ADGRL2: variants seen among roughly 807,000 people sequenced by gnomAD.
ADGRL2 encodes the protein adhesion G protein-coupled receptor L2.
Under a neutral mutation model 157.4 loss-of-function variants are expected in ADGRL2, and 44 were observed. The observed-to-expected ratio is 0.28, with a 90% CI of 0.22 to 0.36. The LOEUF (loss-of-function observed/expected upper bound fraction) is 0.36. Ranked by LOEUF, ADGRL2 falls within the 10% of genes least tolerant of loss-of-function variation. ADGRL2 has a pLI of 1.00. For synonymous variants in ADGRL2, 585 were observed against 624.7 expected (o/e 0.94, Z 0.95); for missense variants, 1,510 against 1,768.9 (o/e 0.85, Z 2.63).
intron 4 of ADGRL2, among the ~76,000 whole-genome samples, chr1:81,941,501 C>T (rs1186700777): frequency 6.6e-6 from 1 of 151,434 alleles, no homozygotes; most frequent in East Asian, 1.9e-4. Context: ...AACATGTAAC[C>T]ACATCAGAAT....
intron 2 of ADGRL2, chr1:81,557,933 A>C (rs1570496755): frequency 6.6e-6 from 1 of 152,240 alleles, no homozygotes; most frequent in Non-Finnish European, 1.5e-5. Flanking sequence ...ATCACCTTAC[A>C]TTGAGGAGGG....
chr1:81,523,014 G>T (rs1380581785), intron 2 of ADGRL2, among the ~76,000 whole-genome samples: 1 of 151,746 alleles, frequency 6.6e-6, no homozygotes, highest in African/African-American at 2.4e-5. Flanking sequence ...TACAATTAAA[G>T]ATATGGCTTC....
Position 81,749,891 on chromosome 1 carries a change from C to A in ADGRL2, c.-142-11920C>A, listed in dbSNP as rs1008261638. Among the ~76,000 whole-genome samples, 15 of 152,098 alleles carry A rather than the reference C, an allele frequency of 9.9e-5. No homozygotes were observed. The East Asian group carries it at 2.9e-3, about 29-fold the overall frequency. ...TCTGAATGTAGTTGCTTATAATTGGCCAATTTCCCTGAGAAACAAGCCAGT... is the reference window on the plus strand; with the variant it reads ...TCTGAATGTAGTTGCTTATAATTGGACAATTTCCCTGAGAAACAAGCCAGT... On this transcript the variant is annotated intron_variant, in intron 1 of 20. Transcript: ENST00000359929.
chr1:81,568,655 A>C (rs962553130), intron 2 of ADGRL2, among the ~76,000 whole-genome samples: 3 of 152,200 alleles, frequency 2.0e-5, no homozygotes, highest in African/African-American at 4.8e-5. Context: ...TTGTTCAATA[A>C]TCCCTTGGAT....
intron 2 of ADGRL2, among the ~76,000 whole-genome samples, chr1:81,459,387 A>G (rs1478765922): frequency 6.6e-6 from 1 of 152,188 alleles, no homozygotes; most frequent in Non-Finnish European, 1.5e-5. Flanking sequence ...GAGTTTTACT[A>G]TACCTCAAGT....
At chr1:81,802,685 G>C (rs2088432706) in intron 1 of ADGRL2, among the ~76,000 whole-genome samples, 2 of 152,098 alleles carry the variant, frequency 1.3e-5, no homozygotes. Context: ...CCGGGCGCTG[G>C]GGCCCGGGGC....
At chr1:81,818,788 TA>T (rs1055732112) in intron 1 of ADGRL2, among the ~76,000 whole-genome samples, 2 of 152,084 alleles carry the variant, frequency 1.3e-5, no homozygotes, top group Non-Finnish European at 2.9e-5. Context: ...GAAAAGGTTG[TA>T]AAAATATAGG....
chr1:81,448,137 C>CTTTTTTTTTTTTTTTTTTTTTT (rs1168945231), intron 2 of ADGRL2, among the ~76,000 whole-genome samples: 3 of 83,502 alleles, frequency 3.6e-5, no homozygotes, highest in African/African-American at 1.0e-4. Flanking sequence ...TTCTTTCTTT[C>CTTTTTTTTTTTTTTTTTTTTTT]TTTTTTTTTT....
At chr1:81,793,122 G>A (rs572189863) in intron 2 of ADGRL2, among the ~76,000 whole-genome samples, 26 of 152,130 alleles carry the variant, frequency 1.7e-4, no homozygotes, top group African/African-American at 6.0e-4. Flanking sequence ...ATTCTTCAGC[G>A]AAATTTTGGC....
intron 1 of ADGRL2, among the ~76,000 whole-genome samples, chr1:81,746,411 T>A (rs541105517): frequency 6.6e-6 from 1 of 152,236 alleles, no homozygotes; most frequent in Admixed American, 6.5e-5. Flanking sequence ...CACCTCAGCC[T>A]CCTGAGTAGC....
chr1:81,786,027 C>A (rs1301792631), intron 2 of ADGRL2, among the ~76,000 whole-genome samples: 7 of 152,030 alleles, frequency 4.6e-5, no homozygotes, highest in Admixed American at 2.6e-4. Flanking sequence ...CTGCTTGAGC[C>A]TGGGAGGTGG....
In ADGRL2 at chr1:81,363,150, TA is replaced by T. The variant is rs369353513; in HGVS notation, c.-302+56648del. Among the ~76,000 whole-genome samples, 415 of 152,126 alleles carry T rather than the reference TA, an allele frequency of 2.7e-3. 2 individuals carry two copies. The highest frequency in any genetic ancestry group is 9.6e-3 in the African/African-American group (398 of 41,542). ...CAGTATTTGGATGTAATTAGTCACA[TA>T]AAAAAAGTTACAAAAAGAAGACTTA... On this transcript the variant is annotated intron_variant, in intron 1 of 24. Coordinates refer to the ADGRL2 transcript ENST00000370721.
chr1:81,422,332 C>T (rs989229146), intron 1 of ADGRL2, among the ~76,000 whole-genome samples: 1 of 152,156 alleles, frequency 6.6e-6, no homozygotes, highest in African/African-American at 2.4e-5. Flanking sequence ...GCAATCTCCA[C>T]CTCCTGAATT....
At chr1:81,965,800 T>C (rs1475367202) in intron 11 of ADGRL2, among the ~76,000 whole-genome samples, 1 of 152,228 alleles carries the variant, frequency 6.6e-6, no homozygotes, top group African/African-American at 2.4e-5. Flanking sequence ...TTGGTATTAG[T>C]TCATGACAAA....
intron 2 of ADGRL2, among the ~76,000 whole-genome samples, chr1:81,496,425 A>G (rs1007400795): frequency 2.0e-5 from 3 of 152,184 alleles, no homozygotes; most frequent in African/African-American, 7.2e-5. Context: ...AAAAGACACT[A>G]TGACTGTTCT....
intron 1 of ADGRL2, among the ~76,000 whole-genome samples, chr1:81,758,443 A>T (rs2085763466): frequency 6.6e-6 from 1 of 152,106 alleles, no homozygotes; most frequent in African/African-American, 2.4e-5. Context: ...GTCTCCTTGG[A>T]GGTTTTAGAT....
At chr1:81,720,450 G>A (rs1175663623) in intron 1 of ADGRL2, among the ~76,000 whole-genome samples, 1 of 152,030 alleles carries the variant, frequency 6.6e-6, no homozygotes, top group East Asian at 1.9e-4. Flanking sequence ...AGATTAACAG[G>A]CATGAGTCAC....
At chr1:81,343,059 CT>C (rs1225641687) in intron 1 of ADGRL2, among the ~76,000 whole-genome samples, 2 of 147,154 alleles carry the variant, frequency 1.4e-5, no homozygotes, top group African/African-American at 5.0e-5. Context: ...CAATCTTTCT[CT>C]TTTTTTCTTT....
At chr1:81,477,811 C>T (rs1409726875) in intron 2 of ADGRL2, among the ~76,000 whole-genome samples, 1 of 152,132 alleles carries the variant, frequency 6.6e-6, no homozygotes, top group African/African-American at 2.4e-5. Flanking sequence ...TTTAGTGATT[C>T]AGCTGCTTCA....
Sources: gnomAD v4.1 joint callset for allele counts (sites outside exome capture counted in the v4.1 genomes callset) on GRCh38, gnomAD v4.1.1 for gene constraint, MANE v1.5 for transcripts, NCBI Gene and HGNC (gene_info 2026-07-23, HGNC 2026-07-21) for gene names.